Variants in FSTL4 observed in about 807,000 individuals in gnomAD.
FSTL4 encodes follistatin like 4.
In FSTL4, 28 loss-of-function variants were observed where a neutral mutation model predicts 78.2. The ratio of observed to expected loss-of-function variants is 0.36; its 90% CI spans 0.27 to 0.49. FSTL4 has a LOEUF of 0.49. FSTL4 is among the 20% of genes least tolerant of loss of function. FSTL4 has a pLI of 0.98. For synonymous variants in FSTL4, 422 were observed against 440.5 expected (o/e 0.96, Z 0.53); for missense variants, 922 against 1,084.9 (o/e 0.85, Z 2.11).
intron 3 of FSTL4, among the ~76,000 whole-genome samples, chr5:133,552,510 T>C (rs1759706884): frequency 6.6e-6 from 1 of 152,222 alleles, no homozygotes; most frequent in South Asian, 2.1e-4. Flanking sequence ...ATCTGTATAT[T>C]TGGATATTTG....
At chr5:133,286,112 C>T (rs1753123439) in intron 6 of FSTL4, among the ~76,000 whole-genome samples, 1 of 152,166 alleles carries the variant, frequency 6.6e-6, no homozygotes, top group Admixed American at 6.5e-5. Flanking sequence ...TCTAAGCATC[C>T]CTGGGTGTGA....
intron 6 of FSTL4, among the ~76,000 whole-genome samples, chr5:133,258,130 G>C (rs1436968085): frequency 6.6e-6 from 1 of 152,092 alleles, no homozygotes; most frequent in Non-Finnish European, 1.5e-5. Context: ...TGACTATTTC[G>C]TGGCCTCTCT....
rs751517490 is a variant in FSTL4 at position 133,400,965 on chromosome 5, A to G, written c.182T>C (p.Leu61Pro). The G allele has an allele frequency of 1.2e-6, 2 of 1,613,244 alleles. No individual in the cohort carries two copies. Among genetic ancestry groups the G allele is most frequent in the South Asian group, 1.1e-5 (1 of 91,082 alleles). The change falls in exon 4 of 16, where the codon CTG becomes CCG. Residue 61 changes from leucine to proline, a missense_variant. Coordinates refer to ENST00000265342, the MANE Select transcript of FSTL4 (RefSeq NM_015082.2). ...GAACTTCTTCCCGCAGGAGGCCAGC[A>G]GCTCGTTGTGGCTGGAAAGCCCTGC... ...RREGLSSHNE[L>P]LASCGKKFCS...
intron 4 of FSTL4, among the ~76,000 whole-genome samples, chr5:133,343,285 T>C (rs1003418632): frequency 6.6e-6 from 1 of 152,186 alleles, no homozygotes; most frequent in Non-Finnish European, 1.5e-5. Flanking sequence ...AAATGTCTCC[T>C]TAGGGCCACT....
intron 3 of FSTL4, among the ~76,000 whole-genome samples, chr5:133,403,833 G>A (rs900474819): frequency 6.6e-6 from 1 of 152,184 alleles, no homozygotes; most frequent in Non-Finnish European, 1.5e-5. Flanking sequence ...GGGCTGGGGG[G>A]AGAAGCTACT....
the FSTL4 span, among the ~76,000 whole-genome samples, chr5:133,702,735 AG>A: frequency 6.6e-6 from 1 of 152,230 alleles, no homozygotes; most frequent in Non-Finnish European, 1.5e-5. Flanking sequence ...ACTGAGTTCC[AG>A]GGAAGGAAAG....
chr5:133,537,289 A>T (rs1759369178), intron 3 of FSTL4, among the ~76,000 whole-genome samples: 1 of 152,108 alleles, frequency 6.6e-6, no homozygotes, highest in South Asian at 2.1e-4. Context: ...CCTTCAACAA[A>T]GTTTCATAAT....
At chr5:133,232,856 A>T (rs1751535876) in intron 8 of FSTL4, among the ~76,000 whole-genome samples, 1 of 152,028 alleles carries the variant, frequency 6.6e-6, no homozygotes, top group African/African-American at 2.4e-5. Flanking sequence ...AGTTTCTGGG[A>T]CTCCTGGCAA....
chr5:133,609,629 T>C (rs1405667401), intron 1 of FSTL4, among the ~76,000 whole-genome samples: 2 of 152,248 alleles, frequency 1.3e-5, no homozygotes, highest in African/African-American at 2.4e-5. Flanking sequence ...TGAAGTTAAA[T>C]TGCATTTCCT....
chr5:133,490,568 A>G (rs1185186400), intron 3 of FSTL4, among the ~76,000 whole-genome samples: 2 of 152,194 alleles, frequency 1.3e-5, no homozygotes, highest in Non-Finnish European at 2.9e-5. Flanking sequence ...ATATACTTGA[A>G]TATGTAGTGA....
At chr5:133,792,064 C>T in the FSTL4 span, among the ~76,000 whole-genome samples, 1 of 152,190 alleles carries the variant, frequency 6.6e-6, no homozygotes, top group Non-Finnish European at 1.5e-5. Context: ...CCCCTTGAGA[C>T]AAGAGTGGTA....
chr5:133,247,481 C>G (rs537476030), intron 7 of FSTL4: 1 of 152,330 alleles, frequency 6.6e-6, no homozygotes, highest in African/African-American at 2.4e-5. Context: ...ACAGGTGGAG[C>G]TGTCCCAGTA....
the FSTL4 span, among the ~76,000 whole-genome samples, chr5:133,802,651 T>C: frequency 6.6e-6 from 1 of 152,090 alleles, no homozygotes; most frequent in Non-Finnish European, 1.5e-5. Flanking sequence ...CAGAGCACCA[T>C]CATCCCAGCC....
the FSTL4 span, among the ~76,000 whole-genome samples, chr5:133,648,642 G>C: frequency 1.6e-4 from 24 of 152,282 alleles, no homozygotes; most frequent in Non-Finnish European, 3.2e-4. Context: ...GGGCTTCAAA[G>C]GGTCTGTTGA....
the FSTL4 span, among the ~76,000 whole-genome samples, chr5:133,625,509 T>C: frequency 6.6e-6 from 1 of 151,142 alleles, no homozygotes; most frequent in African/African-American, 2.4e-5. Context: ...CCCTTTTTAT[T>C]TTTGTCAGAC....
At chr5:133,365,889 C>G (rs992390878) in intron 4 of FSTL4, among the ~76,000 whole-genome samples, 6 of 152,206 alleles carry the variant, frequency 3.9e-5, no homozygotes, top group African/African-American at 1.2e-4. Flanking sequence ...CCTCCTGCAG[C>G]CTGCAAGCCT....
chr5:133,696,885 G>T, the FSTL4 span, among the ~76,000 whole-genome samples: 1 of 152,174 alleles, frequency 6.6e-6, no homozygotes, highest in Non-Finnish European at 1.5e-5. Flanking sequence ...AGGCTGAGAG[G>T]TTGTCCTTTC....
At chr5:133,378,196 A>G (rs1015687600) in intron 4 of FSTL4, among the ~76,000 whole-genome samples, 1 of 152,224 alleles carries the variant, frequency 6.6e-6, no homozygotes, top group African/African-American at 2.4e-5. Context: ...TACACCAAAA[A>G]AAAAGAGCAC....
rs1438141699 is a variant in FSTL4, at chr5:133,440,521, T to C, written c.161-39535A>G. Among the ~76,000 whole-genome samples the C allele has an allele frequency of 6.6e-6, 1 of 152,166 alleles. No individual in the cohort carries two copies. The highest frequency in any genetic ancestry group is 1.5e-5 in the Non-Finnish European group (1 of 68,028). ...TTGAGCTGAGACTTTAAATTCAACT[T>C]CCTGGGAGAAGCAGTCGGTACTGGA... is the stretch of plus-strand genomic sequence containing the variant. On this transcript the variant is annotated intron_variant, in intron 3 of 15. Transcript: ENST00000265342. The surrounding 1 kb of genome is among the most constrained non-coding windows in gnomAD (Gnocchi z 4.1).
Sources: allele counts gnomAD v4.1 joint callset (sites outside exome capture counted in the v4.1 genomes callset), GRCh38; gene constraint gnomAD v4.1.1; non-coding constraint Gnocchi (gnomAD v3.1); transcripts MANE v1.5; gene names NCBI Gene and HGNC (gene_info 2026-07-23, HGNC 2026-07-21).